Variants in EN2 observed in about 807,000 individuals in gnomAD.
EN2 encodes the protein engrailed homeobox 2.
In EN2, 7 loss-of-function variants were observed where a neutral mutation model predicts 25.0. The observed-to-expected ratio is 0.28, with a 90% CI of 0.16 to 0.53. The LOEUF is 0.53. Among genes scored for constraint, EN2 ranks in the 20% least tolerant of loss-of-function variants. EN2 has a pLI of 0.96. For synonymous variants in EN2, 277 were observed against 243.3 expected (o/e 1.14, Z -1.29); for missense variants, 524 against 501.8 (o/e 1.04, Z -0.42).
Position 155,458,837 on chromosome 7 carries a change from G to A in EN2, c.460G>A (p.Gly154Arg), listed in dbSNP as rs1024232626. The change falls in exon 1 of 2, where the codon GGG becomes AGG. Residue 154 changes from glycine (G) to arginine (R), a missense_variant. Transcript: ENST00000297375. ...PAAGSDSPGD[G>R]EGGSKTLSLH... is the part of the protein sequence containing the mutation. ...CGCCGGCAGCGACTCTCCGGGTGACGGGGAAGGCGGCTCCAAGACGCTCTC... is the reference window on the plus strand; with the variant it reads ...CGCCGGCAGCGACTCTCCGGGTGACAGGGAAGGCGGCTCCAAGACGCTCTC... The A allele has an allele frequency of 2.0e-6, 3 of 1,470,842 alleles. No homozygotes were observed. Among genetic ancestry groups the A allele is most frequent in the Non-Finnish European group, 2.7e-6 (3 of 1,120,456 alleles). The allele number at this position is 1,470,842 out of a possible 1,614,324, so 91.1% of individuals were successfully genotyped here. A position where few individuals can be genotyped will look rare whatever the true frequency, so the allele number is the denominator to read the frequency against.
At position 155,458,289 on chromosome 7, in the gene EN2, C is replaced by CG. The variant is rs1281701636; in HGVS notation, c.-84dup. ...CGGAAGACTCGGCGGGGTGGGGGCG[C>CG]GGGGGTCTCCGTGTGCGCCGCGGGA... On this transcript the variant is annotated 5_prime_UTR_variant, in exon 1 of 2. Coordinates refer to ENST00000297375, the MANE Select transcript of EN2 (RefSeq NM_001427.4). 1.3e-5 allele frequency: 16 copies of CG among 1,243,486 alleles called. No homozygotes were observed. The highest frequency in any genetic ancestry group is 1.5e-5 in the Non-Finnish European group (15 of 986,444). 77.0% of individuals were successfully genotyped at this position (1,243,486 alleles called of 1,614,324 possible). A position where few individuals can be genotyped will look rare whatever the true frequency, so the allele number is the denominator to read the frequency against.
chr7:155,461,682 G>A (rs932623694), intron 1 of EN2, among the ~76,000 whole-genome samples: 34 of 152,190 alleles, frequency 2.2e-4, no homozygotes, highest in Non-Finnish European at 5.9e-5. Context: ...TTTCCAGTGG[G>A]TGAAGGACTC....
At position 155,458,453 on chromosome 7, in the gene EN2, G is replaced by T; in HGVS notation, c.76G>T (p.Gly26Cys). Residue 26 changes from glycine (G) to cysteine (C), a missense_variant, in exon 1 of 2, where the codon GGC becomes TGC. By Grantham distance (159) the Gly-to-Cys change is radical. Transcript: ENST00000297375. The part of the protein sequence containing the change: ...EGQRQPESSP[G>C]GGSGGGGGSS... ...ACAGCGGCAGCCGGAATCCAGCCCC[G>T]GCGGCGGCTCGGGCGGCGGCGGCGG... 2.3e-6 allele frequency: 3 copies of T among 1,304,448 alleles called. No individual in the cohort carries two copies. Among genetic ancestry groups the T allele is most frequent in the Non-Finnish European group, 2.9e-6 (3 of 1,026,268 alleles). The allele number at this position is 1,304,448 out of a possible 1,614,324, so 80.8% of individuals were successfully genotyped here. A position where few individuals can be genotyped will look rare whatever the true frequency, so the allele number is the denominator to read the frequency against.
rs373725366 is a variant in EN2 at position 155,462,468 on chromosome 7, C to T, written c.783C>T (p.Ala261=). The change falls in exon 2 of 2, where the codon GCC becomes GCT. Residue 261 remains alanine (A), a synonymous_variant. Transcript: ENST00000297375. ...FTAEQLQRLK[A]EFQTNRYLTE... ...CCGAGCAGCTGCAGAGGCTCAAGGCCGAGTTCCAGACCAACAGGTACCTGA... is the reference window on the plus strand; with the variant it reads ...CCGAGCAGCTGCAGAGGCTCAAGGCTGAGTTCCAGACCAACAGGTACCTGA... The T allele has an allele frequency of 3.5e-5, 56 of 1,614,182 alleles. No individual in the cohort carries two copies. The highest frequency in any genetic ancestry group is 1.5e-4 in the Admixed American group (9 of 60,036).
rs1219034113 is a variant in EN2, at chr7:155,458,571, G to A, written c.194G>A (p.Arg65His). ...CCCGGCAACCACCAGCACCCGCACC[G>A]CATCACCAACTTCTTCATCGACAAC... Reference protein sequence around the residue: ...QAPGNHQHPHRITNFFIDNIL... With the variant: ...QAPGNHQHPHHITNFFIDNIL... The change falls in exon 1 of 2, where the codon CGC becomes CAC. Residue 65 changes from arginine to histidine, a missense_variant. Coordinates refer to ENST00000297375, the MANE Select transcript of EN2 (RefSeq NM_001427.4). 6.8e-7 allele frequency: 1 copy of A among 1,472,044 alleles called. No individual in the cohort carries two copies. Among genetic ancestry groups the A allele is most frequent in the South Asian group, 1.4e-5 (1 of 72,394 alleles). 91.2% of individuals were successfully genotyped at this position (1,472,044 alleles called of 1,614,324 possible). A position where few individuals can be genotyped will look rare whatever the true frequency, so the allele number is the denominator to read the frequency against.
chr7:155,461,909 G>A (rs73734531), intron 1 of EN2, among the ~76,000 whole-genome samples: 1 of 152,106 alleles, frequency 6.6e-6, no homozygotes, highest in African/African-American at 2.4e-5. Context: ...CCCCATGAGG[G>A]TCCCCATCAT....
chr7:155,458,974 C>A lies in EN2; in HGVS notation c.597C>A (p.Ser199Arg). The change falls in exon 1 of 2, where the codon AGC (serine) becomes AGA (arginine). Residue 199 changes from serine to arginine, a missense_variant. Ser to Arg is a moderately radical substitution (Grantham distance 110, BLOSUM62 -1). Transcript: ENST00000297375. ...GDLSVSSDSDSSQAGANLGAQ... is the reference protein window; with the variant it reads ...GDLSVSSDSDRSQAGANLGAQ... The stretch of plus-strand genomic sequence containing the variant: ...TGTCGGTGAGCTCGGACTCGGACAG[C>A]TCGCAAGCCGGCGCCAACCTGGGCG... 1 of 1,543,396 alleles carries A rather than the reference C, an allele frequency of 6.5e-7. No individual in the cohort carries two copies. Among genetic ancestry groups the A allele is most frequent in the Non-Finnish European group, 8.7e-7 (1 of 1,154,674 alleles).
chr7:155,459,128 C>G, intron 1 of EN2, 66 bp downstream of exon 1: 4 of 1,461,540 alleles, frequency 2.7e-6, no homozygotes, highest in Non-Finnish European at 3.6e-6. Context: ...GGGGGCGGTG[C>G]TGGCGCGGGA....
In EN2 at chr7:155,458,336, G is replaced by T; in HGVS notation, c.-42G>T. ...GGGAGGGCCGAAGGCTGATTTGGAA[G>T]GGCGTCCCCGGAGAACCAGTGTGGG... On this transcript the variant is annotated 5_prime_UTR_variant, in exon 1 of 2. The change creates a new upstream start codon in the 5' untranslated region. Transcript: ENST00000297375. 1 of 1,278,860 alleles carries T rather than the reference G, an allele frequency of 7.8e-7. No homozygotes were observed. The highest frequency in any genetic ancestry group is 3.0e-5 in the East Asian group (1 of 33,538). 79.2% of individuals were successfully genotyped at this position (1,278,860 alleles called of 1,614,324 possible). A position where few individuals can be genotyped will look rare whatever the true frequency, so the allele number is the denominator to read the frequency against.
rs1407422410 is a variant in EN2 at position 155,462,525 on chromosome 7, G to C, written c.840G>C (p.Glu280Asp). 4 of 1,614,230 alleles carry C rather than the reference G, an allele frequency of 2.5e-6. No individual in the cohort carries two copies. In the South Asian group the frequency reaches 4.4e-5, roughly 18 times the overall value. Reference sequence around the variant, plus strand: ...AGCGGCGCCAGAGCCTGGCGCAGGAGCTGAGCCTCAACGAGTCACAGATCA... The same window carrying C: ...AGCGGCGCCAGAGCCTGGCGCAGGACCTGAGCCTCAACGAGTCACAGATCA... ...TEQRRQSLAQ[E>D]LSLNESQIKI... The change falls in exon 2 of 2, where the codon GAG becomes GAC. Residue 280 changes from glutamate (E) to aspartate (D), a missense_variant. Transcript: ENST00000297375.
chr7:155,462,482 A>G lies in EN2; in HGVS notation c.797A>G (p.Asn266Ser). The change falls in exon 2 of 2, where the codon AAC becomes AGC. Residue 266 changes from asparagine to serine, a missense_variant. Coordinates refer to ENST00000297375, the MANE Select transcript of EN2 (RefSeq NM_001427.4). ...LQRLKAEFQT[N>S]RYLTEQRRQS... ...AGGCTCAAGGCCGAGTTCCAGACCA[A>G]CAGGTACCTGACGGAGCAGCGGCGC... 1 of 1,614,216 alleles carries G rather than the reference A, an allele frequency of 6.2e-7. No homozygotes were observed. The highest frequency in any genetic ancestry group is 8.5e-7 in the Non-Finnish European group (1 of 1,180,040).
chr7:155,464,213 T>G lies in EN2; in HGVS notation c.*1526T>G, dbSNP rs1357773666. On this transcript the variant is annotated 3_prime_UTR_variant, in exon 2 of 2. Transcript: ENST00000297375. ...TGTGGTACAGTGTAAATTAAATATA[T>G]TCAATATATTTCCCACCAAGTACCT... 6.6e-6 allele frequency: 1 copy of G among 152,264 alleles called. No individual in the cohort carries two copies. The highest frequency in any genetic ancestry group is 1.5e-5 in the Non-Finnish European group (1 of 68,048). 9.4% of individuals were successfully genotyped at this position (152,264 alleles called of 1,614,324 possible). A position where few individuals can be genotyped will look rare whatever the true frequency, so the allele number is the denominator to read the frequency against.
At chr7:155,459,184 CA>C (rs1795666945) in intron 1 of EN2, 122 bp downstream of exon 1, 1 of 1,095,734 alleles carries the variant, frequency 9.1e-7, no homozygotes, top group African/African-American at 1.7e-5. Flanking sequence ...CGCACACGCA[CA>C]AAGACTCACG....
rs1001434112 is a variant in EN2 at position 155,459,313 on chromosome 7, GTCTC to G, written c.685+260_685+263del. 2.1e-3 allele frequency among the ~76,000 whole-genome samples: 321 copies of G among 152,164 alleles called. 2 individuals carry two copies. The highest frequency in any genetic ancestry group is 7.2e-3 in the African/African-American group (299 of 41,518). ...CAGAAGGGACCTTCTTTCTTTCTCT[GTCTC>G]TCTCTCTCCTTCCTCTCTCCCTGTC... On this transcript the variant is annotated intron_variant, in intron 1 of 1. Coordinates refer to ENST00000297375, the MANE Select transcript of EN2 (RefSeq NM_001427.4).
At position 155,462,822 on chromosome 7, in the gene EN2, T is replaced by G. The variant is rs927748641; in HGVS notation, c.*135T>G. 22 of 1,114,864 alleles carry G rather than the reference T, an allele frequency of 2.0e-5. No individual in the cohort carries two copies. Among genetic ancestry groups the G allele is most frequent in the Non-Finnish European group, 2.6e-5 (21 of 814,004 alleles). The allele number at this position is 1,114,864 out of a possible 1,614,324, so 69.1% of individuals were successfully genotyped here. A position where few individuals can be genotyped will look rare whatever the true frequency, so the allele number is the denominator to read the frequency against. On this transcript the variant is annotated 3_prime_UTR_variant, in exon 2 of 2. Coordinates refer to ENST00000297375, the MANE Select transcript of EN2 (RefSeq NM_001427.4). The stretch of plus-strand genomic sequence containing the variant: ...GTGTATTAGCTAAGGTTCTGAAATA[T>G]TCTATGTATATATCATTTACAGGTG...
Position 155,458,555 on chromosome 7 carries a change from C to G in EN2, c.178C>G (p.His60Asp). ...LPAVLQAPGN[H>D]QHPHRITNFF... ...CGCGGTCCTGCAGGCGCCCGGCAAC[C>G]ACCAGCACCCGCACCGCATCACCAA... Residue 60 changes from histidine (H) to aspartate (D), a missense_variant, in exon 1 of 2, where the codon CAC becomes GAC. Coordinates refer to ENST00000297375, the MANE Select transcript of EN2 (RefSeq NM_001427.4). 1 of 1,430,096 alleles carries G rather than the reference C, an allele frequency of 7.0e-7. No individual in the cohort carries two copies. The highest frequency in any genetic ancestry group is 9.2e-7 in the Non-Finnish European group (1 of 1,086,920). The allele number at this position is 1,430,096 out of a possible 1,614,324, so 88.6% of individuals were successfully genotyped here. A position where few individuals can be genotyped will look rare whatever the true frequency, so the allele number is the denominator to read the frequency against.
At chr7:155,460,031 C>A (rs1795677112) in intron 1 of EN2, among the ~76,000 whole-genome samples, 1 of 152,188 alleles carries the variant, frequency 6.6e-6, no homozygotes, top group Admixed American at 6.5e-5. Flanking sequence ...TCCCCGCTGC[C>A]CCCAAACCCT....
In EN2 at chr7:155,458,138, G is replaced by A. The variant is rs1795646369; in HGVS notation, c.-240G>A. On this transcript the variant is annotated 5_prime_UTR_variant, in exon 1 of 2. Coordinates refer to ENST00000297375, the MANE Select transcript of EN2 (RefSeq NM_001427.4). ...ACTTGGCTCTGTTGAATCTCTCATC[G>A]TCTGGGCGAGCGGGGCGGCTCGTGG... is the stretch of plus-strand genomic sequence containing the variant. The A allele has an allele frequency of 2.5e-6, 1 of 406,466 alleles. No homozygotes were observed. Among genetic ancestry groups the A allele is most frequent in the Admixed American group, 4.6e-5 (1 of 21,828 alleles). The allele number at this position is 406,466 out of a possible 1,614,324, so 25.2% of individuals were successfully genotyped here.
At position 155,458,847 on chromosome 7, in the gene EN2, G is replaced by T. The variant is rs1338345116; in HGVS notation, c.470G>T (p.Gly157Val). 2.7e-6 allele frequency: 4 copies of T among 1,481,730 alleles called. No individual in the cohort carries two copies. In the Admixed American group the frequency reaches 9.4e-5, roughly 35 times the overall value. The allele number at this position is 1,481,730 out of a possible 1,614,324, so 91.8% of individuals were successfully genotyped here. ...GACTCTCCGGGTGACGGGGAAGGCG[G>T]CTCCAAGACGCTCTCGCTGCACGGT... Reference protein sequence around the residue: ...GSDSPGDGEGGSKTLSLHGGA... With the variant: ...GSDSPGDGEGVSKTLSLHGGA... The change falls in exon 1 of 2, where the codon GGC becomes GTC. Residue 157 changes from glycine to valine, a missense_variant. Physicochemically the swap from Gly to Val is moderately radical, Grantham distance 109. Transcript: ENST00000297375.
Sources: allele counts gnomAD v4.1 joint callset (sites outside exome capture counted in the v4.1 genomes callset), GRCh38; gene constraint gnomAD v4.1.1; transcripts MANE v1.5; gene names NCBI Gene and HGNC (gene_info 2026-07-23, HGNC 2026-07-21).